The following PCMTD1 variants were observed in gnomAD, a reference collection of about 807,000 sequenced individuals.
PCMTD1 encodes protein-L-isoaspartate (D-aspartate) O-methyltransferase domain containing 1, also known as protein-L-isoaspartate O-methyltransferase domain-containing protein 1.
Under a neutral mutation model 37.6 loss-of-function variants are expected in PCMTD1, and 12 were observed. That is an observed-to-expected ratio of 0.32 (90% CI 0.20 to 0.52). The LOEUF is 0.52. Ranked by LOEUF, PCMTD1 falls within the 20% of genes least tolerant of loss-of-function variation. PCMTD1 has a pLI of 0.97. For missense variants in PCMTD1, 235 were observed against 421.3 expected (o/e 0.56, Z 3.87); for synonymous variants, 117 against 135.8 (o/e 0.86, Z 0.96).
chr8:51,878,063 T>C (rs2038737868), intron 1 of PCMTD1, among the ~76,000 whole-genome samples: 1 of 152,168 alleles, frequency 6.6e-6, no homozygotes. Context: ...CCAGTTCTTC[T>C]ACAAGCTTGA....
chr8:51,826,371 T>TGG (rs139604668), intron 5 of PCMTD1, among the ~76,000 whole-genome samples: 2 of 152,070 alleles, frequency 1.3e-5, no homozygotes, highest in South Asian at 2.1e-4. Flanking sequence ...TGTCAAGGGA[T>TGG]GGGGGGCTAG....
At position 51,820,130 on chromosome 8, in the gene PCMTD1, T is replaced by C. The variant is rs1252173956; in HGVS notation, c.*221A>G. The C allele has an allele frequency of 5.3e-6, 2 of 374,390 alleles. No homozygotes were observed. The highest frequency in any genetic ancestry group is 4.6e-6 in the Non-Finnish European group (1 of 216,100). The allele number at this position is 374,390 out of a possible 1,614,324, so 23.2% of individuals were successfully genotyped here. A position where few individuals can be genotyped will look rare whatever the true frequency, so the allele number is the denominator to read the frequency against. Reference sequence around the variant, plus strand: ...ATTCCACTTTGAAATCACTCTGAGCTAAAACAACATTTTTCCAAGATTTAA... The same window carrying C: ...ATTCCACTTTGAAATCACTCTGAGCCAAAACAACATTTTTCCAAGATTTAA... On this transcript the variant is annotated 3_prime_UTR_variant, in exon 6 of 6. Transcript: ENST00000522514.
chr8:51,888,853 C>G lies in PCMTD1; in HGVS notation c.-96+10077G>C, dbSNP rs114502359. ...CAACCATTTCTTAGTGGCTGAGGGT[C>G]ATTATGAGGAACAGTATGATAATGG... On this transcript the variant is annotated intron_variant, in intron 1 of 5. Coordinates refer to ENST00000522514, the MANE Select transcript of PCMTD1 (RefSeq NM_052937.4). 4.0e-3 allele frequency among the ~76,000 whole-genome samples: 611 copies of G among 152,234 alleles called. 4 individuals are homozygous for G. The highest frequency in any genetic ancestry group is 0.014 in the African/African-American group (595 of 41,550).
Position 51,817,774 on chromosome 8 carries a change from G to T in PCMTD1, c.*2577C>A. ...TAGAACCAAATATATTGACCAATAAGCAGTATAGATTTAAATTATCTTCTT... is the reference window on the plus strand; with the variant it reads ...TAGAACCAAATATATTGACCAATAATCAGTATAGATTTAAATTATCTTCTT... On this transcript the variant is annotated 3_prime_UTR_variant, in exon 6 of 6. Coordinates refer to ENST00000522514, the MANE Select transcript of PCMTD1 (RefSeq NM_052937.4). 2 of 453,818 alleles carry T rather than the reference G, an allele frequency of 4.4e-6. No individual in the cohort carries two copies. The highest frequency in any genetic ancestry group is 7.0e-5 in the East Asian group (1 of 14,322). 28.1% of individuals were successfully genotyped at this position (453,818 alleles called of 1,614,324 possible). A position where few individuals can be genotyped will look rare whatever the true frequency, so the allele number is the denominator to read the frequency against.
chr8:51,845,640 A>G, intron 3 of PCMTD1, 21 bp downstream of exon 3: 1 of 1,563,066 alleles, frequency 6.4e-7, no homozygotes, highest in Non-Finnish European at 8.8e-7. Context: ...TTAAACCAAA[A>G]CTATAGATAT....
chr8:51,839,575 C>G, intron 3 of PCMTD1: 1 of 985,406 alleles, frequency 1.0e-6, no homozygotes, highest in Non-Finnish European at 1.2e-6. Context: ...GCTAGGAGAT[C>G]AGGGTGACCT....
chr8:51,840,255 G>A (rs2038127481), intron 3 of PCMTD1, among the ~76,000 whole-genome samples: 1 of 152,112 alleles, frequency 6.6e-6, no homozygotes, highest in Non-Finnish European at 1.5e-5. Flanking sequence ...ATATAAAGGT[G>A]AGCCTTTTAT....
At chr8:51,826,623 G>A (rs2037925054) in intron 5 of PCMTD1, among the ~76,000 whole-genome samples, 1 of 152,144 alleles carries the variant, frequency 6.6e-6, no homozygotes, top group Non-Finnish European at 1.5e-5. Flanking sequence ...TATGTAGATT[G>A]TATAGGAGCC....
chr8:51,879,334 T>A (rs2038759243), intron 1 of PCMTD1, among the ~76,000 whole-genome samples: 1 of 151,678 alleles, frequency 6.6e-6, no homozygotes, highest in South Asian at 2.1e-4. Flanking sequence ...GTTGGAAATG[T>A]AACAGGAAAC....
In PCMTD1 at chr8:51,847,979, G is replaced by A. The variant is rs544277928; in HGVS notation, c.308-2216C>T. ...GCCTGTAATCCCAGCTACTCGAGAGGCTGAGGCAGGAGGATTGCTTGAGAC... is the reference window on the plus strand; with the variant it reads ...GCCTGTAATCCCAGCTACTCGAGAGACTGAGGCAGGAGGATTGCTTGAGAC... On this transcript the variant is annotated intron_variant, in intron 2 of 5. Coordinates refer to ENST00000522514, the MANE Select transcript of PCMTD1 (RefSeq NM_052937.4). Among the ~76,000 whole-genome samples, 5 of 152,266 alleles carry A rather than the reference G, an allele frequency of 3.3e-5. No individual in the cohort carries two copies. In the South Asian group the frequency reaches 6.2e-4, roughly 19 times the overall value.
intron 3 of PCMTD1, among the ~76,000 whole-genome samples, chr8:51,834,267 C>T (rs2038036610): frequency 6.6e-6 from 1 of 152,136 alleles, no homozygotes. Flanking sequence ...CTGAATGGGA[C>T]AAAGACCAGA....
At chr8:51,843,414 C>A (rs1193465062) in intron 3 of PCMTD1, among the ~76,000 whole-genome samples, 1 of 151,968 alleles carries the variant, frequency 6.6e-6, no homozygotes, top group Non-Finnish European at 1.5e-5. Context: ...GTAACAAACA[C>A]TTTAGAAACA....
rs2038701229 is a variant in PCMTD1, at chr8:51,875,682, A to C, written c.-95-14436T>G. ...GTTTGGACCAGTGGCTCATGCCTAT[A>C]ATCTCAGCACTCTGGGAAGCCAAGG... On this transcript the variant is annotated intron_variant, in intron 1 of 5. Transcript: ENST00000522514. Among the ~76,000 whole-genome samples, 8 of 152,326 alleles carry C rather than the reference A, an allele frequency of 5.3e-5. No individual in the cohort carries two copies. In the South Asian group the frequency reaches 1.7e-3, roughly 32 times the overall value.
intron 2 of PCMTD1, among the ~76,000 whole-genome samples, chr8:51,855,918 T>C (rs575443367): frequency 6.6e-6 from 1 of 152,226 alleles, no homozygotes; most frequent in South Asian, 2.1e-4. Context: ...TCCACCCGCC[T>C]TGGCCTCCCA....
intron 1 of PCMTD1, among the ~76,000 whole-genome samples, chr8:51,885,450 A>T (rs2038851979): frequency 6.6e-6 from 1 of 152,110 alleles, no homozygotes; most frequent in South Asian, 2.1e-4. Context: ...TATCATACAA[A>T]CTTTTAGACA....
chr8:51,851,124 C>T (rs2038300299), intron 2 of PCMTD1, among the ~76,000 whole-genome samples: 1 of 152,196 alleles, frequency 6.6e-6, no homozygotes, highest in African/African-American at 2.4e-5. Flanking sequence ...AAACATCAAA[C>T]ACTGTCAAAT....
chr8:51,890,645 C>G (rs898072800), intron 1 of PCMTD1, among the ~76,000 whole-genome samples: 1 of 152,222 alleles, frequency 6.6e-6, no homozygotes, highest in African/African-American at 2.4e-5. Context: ...CTCTGCACTA[C>G]TTACGCAGTA....
At chr8:51,823,698 G>A (rs2037879989) in intron 5 of PCMTD1, among the ~76,000 whole-genome samples, 2 of 152,092 alleles carry the variant, frequency 1.3e-5, no homozygotes, top group African/African-American at 4.8e-5. Flanking sequence ...CATTTTATGA[G>A]GCCAGCATCA....
intron 5 of PCMTD1, among the ~76,000 whole-genome samples, chr8:51,824,857 T>G (rs952759882): frequency 1.3e-5 from 2 of 152,054 alleles, no homozygotes; most frequent in African/African-American, 4.8e-5. Context: ...TACAGACCAA[T>G]GGAAGAGAAC....
Sources: gnomAD v4.1 joint callset for allele counts (sites outside exome capture counted in the v4.1 genomes callset) on GRCh38, gnomAD v4.1.1 for gene constraint, MANE v1.5 for transcripts, NCBI Gene and HGNC (gene_info 2026-07-23, HGNC 2026-07-21) for gene names.